Variants in SLC4A5 observed in about 807,000 individuals in gnomAD.
SLC4A5 encodes electrogenic sodium bicarbonate cotransporter 4.
In SLC4A5, 96 loss-of-function variants were observed where a neutral mutation model predicts 120.4. That is an observed-to-expected ratio of 0.80 (90% CI 0.68 to 0.94). The LOEUF (loss-of-function observed/expected upper bound fraction) is 0.94. SLC4A5 is among the 40% of genes least tolerant of loss of function. The pLI, the probability that SLC4A5 is intolerant of heterozygous loss-of-function variation, is 0.00. For synonymous variants in SLC4A5, 550 were observed against 571.1 expected, an observed-to-expected ratio of 0.96 and a Z score of 0.53; for missense variants, 1,259 against 1,459.5, an observed-to-expected ratio of 0.86 and a Z score of 2.24.
chr2:74,245,077 T>C (rs769862300), intron 19 of SLC4A5, among the ~76,000 whole-genome samples: 3 of 152,102 alleles, frequency 2.0e-5, no homozygotes, highest in Non-Finnish European at 2.9e-5. Flanking sequence ...TCCCAGCACT[T>C]TGGGAGGCCA....
chr2:74,229,743 A>C (rs2103902728), intron 25 of SLC4A5, among the ~76,000 whole-genome samples: 1 of 152,316 alleles, frequency 6.6e-6, no homozygotes, highest in African/African-American at 2.4e-5. Context: ...ATATCCCTTA[A>C]AAAATGCCAG....
In SLC4A5 at chr2:74,314,936, T is replaced by G. The variant is rs1457974045; in HGVS notation, c.79+9A>C. 1.2e-6 allele frequency: 2 copies of G among 1,613,086 alleles called. No individual in the cohort carries two copies. Among genetic ancestry groups the G allele is most frequent in the African/African-American group, 2.7e-5 (2 of 74,906 alleles). On this transcript the variant is annotated intron_variant, in intron 6 of 30. Coordinates refer to ENST00000394019, the Ensembl canonical transcript of SLC4A5. Reference sequence around the variant, plus strand: ...TGAGATTTGCATCAAGTCCTCAAAGTGACCTCACCTTTCTGATCCGGAAAT... The same window carrying G: ...TGAGATTTGCATCAAGTCCTCAAAGGGACCTCACCTTTCTGATCCGGAAAT...
intron 5 of SLC4A5, among the ~76,000 whole-genome samples, chr2:74,319,128 G>A (rs1345368875): frequency 6.6e-6 from 1 of 152,134 alleles, no homozygotes; most frequent in East Asian, 1.9e-4. Flanking sequence ...GACAAATTCT[G>A]TATGTTCTCA....
At chr2:74,310,594 G>C (rs1672775284) in intron 6 of SLC4A5, among the ~76,000 whole-genome samples, 1 of 152,054 alleles carries the variant, frequency 6.6e-6, no homozygotes, top group African/African-American at 2.4e-5. Context: ...TTGATATGAT[G>C]AATTATCTTA....
intron 4 of SLC4A5, among the ~76,000 whole-genome samples, chr2:74,331,291 T>C (rs1673361092): frequency 6.9e-6 from 1 of 145,658 alleles, no homozygotes; most frequent in African/African-American, 2.6e-5. Flanking sequence ...TAGATGGAGG[T>C]GGTGACGTCT....
intron 6 of SLC4A5, among the ~76,000 whole-genome samples, chr2:74,311,299 G>A (rs1231219466): frequency 6.6e-6 from 1 of 151,924 alleles, no homozygotes; most frequent in East Asian, 1.9e-4. Context: ...TAATTTCACT[G>A]ATTTCTGCTC....
intron 22 of SLC4A5, among the ~76,000 whole-genome samples, chr2:74,234,057 C>CA (rs1275238213): frequency 6.8e-6 from 1 of 147,498 alleles, no homozygotes; most frequent in Non-Finnish European, 1.5e-5. Flanking sequence ...GACTTTGTCT[C>CA]AAAAAACAAA....
rs142846627 is a variant in SLC4A5, at chr2:74,319,698, T to C, written c.-2-4673A>G. ...CTCTCTCTCTCTCCCCATTCACTGA[T>C]TGAACATCCTACTGCGTCTTGACTT... is the stretch of plus-strand genomic sequence containing the variant. On this transcript the variant is annotated intron_variant, in intron 5 of 30. Transcript: ENST00000394019. Among the ~76,000 whole-genome samples, 236 of 152,278 alleles carry C rather than the reference T, an allele frequency of 1.5e-3. 1 individual carries two copies. Among genetic ancestry groups the C allele is most frequent in the African/African-American group, 5.4e-3 (226 of 41,548 alleles).
chr2:74,222,748 G>A (rs986034577), intron 29 of SLC4A5, 120 bp downstream of exon 29: 79 of 890,368 alleles, frequency 8.9e-5, no homozygotes, highest in Middle Eastern at 4.4e-4. Context: ...AAAAAAGTTG[G>A]GGACTGCTGC....
At chr2:74,314,419 C>T (rs970739927) in intron 6 of SLC4A5, among the ~76,000 whole-genome samples, 7 of 152,104 alleles carry the variant, frequency 4.6e-5, no homozygotes, top group African/African-American at 1.2e-4. Flanking sequence ...AGGTGGGCAG[C>T]GAGGTTGGTA....
chr2:74,232,590 A>C, exon 24 of SLC4A5: 1 of 1,613,824 alleles, frequency 6.2e-7, no homozygotes, highest in Non-Finnish European at 8.5e-7. Flanking sequence ...CCCATAAAGG[A>C]GCACAAAGCC....
chr2:74,256,081 T>C, intron 12 of SLC4A5, 149 bp from the exon 13 acceptor site: 2 of 858,618 alleles, frequency 2.3e-6, no homozygotes, highest in Non-Finnish European at 3.5e-6. Flanking sequence ...ACTCCTCCGA[T>C]TCTGCAGATG....
chr2:74,307,442 G>A (rs545535297), intron 6 of SLC4A5: 50 of 631,942 alleles, frequency 7.9e-5, no homozygotes, highest in South Asian at 6.8e-4. Flanking sequence ...TGACACTGGT[G>A]TCATCAATGA....
chr2:74,315,109 A>G, intron 5 of SLC4A5, 84 bp from the exon 6 acceptor site: 1 of 1,124,516 alleles, frequency 8.9e-7, no homozygotes. Context: ...ATCCACAGTC[A>G]TAATGGGAGA....
chr2:74,285,198 A>G (rs1478757558), intron 8 of SLC4A5, among the ~76,000 whole-genome samples: 1 of 152,124 alleles, frequency 6.6e-6, no homozygotes, highest in Non-Finnish European at 1.5e-5. Context: ...GCAGTAAGCT[A>G]TGATTACCCT....
chr2:74,261,607 G>A (rs989474005), intron 11 of SLC4A5, among the ~76,000 whole-genome samples: 24 of 152,118 alleles, frequency 1.6e-4, no homozygotes, highest in Non-Finnish European at 4.4e-5. Context: ...CTGACGAGGT[G>A]CATGTAAAAC....
intron 7 of SLC4A5, among the ~76,000 whole-genome samples, chr2:74,302,572 G>C (rs1489121621): frequency 2.0e-5 from 3 of 152,180 alleles, no homozygotes; most frequent in Non-Finnish European, 4.4e-5. Flanking sequence ...AGCCGAGATC[G>C]CGCCACTTAA....
intron 8 of SLC4A5, among the ~76,000 whole-genome samples, chr2:74,269,701 C>T (rs1340292626): frequency 6.6e-6 from 1 of 152,146 alleles, no homozygotes; most frequent in African/African-American, 2.4e-5. Flanking sequence ...CTTACCCACC[C>T]ACCTAAAGGT....
Position 74,255,942 on chromosome 2 carries a change from G to T in SLC4A5, c.868-10C>A. The T allele has an allele frequency of 1.2e-6, 2 of 1,612,312 alleles. No homozygotes were observed. Among genetic ancestry groups the T allele is most frequent in the Non-Finnish European group, 1.7e-6 (2 of 1,178,482 alleles). On this transcript the variant is annotated splice_polypyrimidine_tract_variant and intron_variant, in intron 12 of 30. Coordinates refer to ENST00000394019, the Ensembl canonical transcript of SLC4A5. This position sits in a 1 kb window ranked among gnomAD's most constrained non-coding sequence, Gnocchi z 4.0. Reference sequence around the variant, plus strand: ...TGAATTTGTTTTTCCGCTGGACAGGGAGGGGAAACGAGATAGCCAAGGAGA... The same window carrying T: ...TGAATTTGTTTTTCCGCTGGACAGGTAGGGGAAACGAGATAGCCAAGGAGA...
Sources: gnomAD v4.1 joint callset for allele counts (sites outside exome capture counted in the v4.1 genomes callset) on GRCh38, gnomAD v4.1.1 for gene constraint, Gnocchi (gnomAD v3.1) non-coding constraint, MANE v1.5 for transcripts, NCBI Gene and HGNC (gene_info 2026-07-23, HGNC 2026-07-21) for gene names.